Variants in ANXA8 observed in about 807,000 individuals in gnomAD.
ANXA8 encodes VAC-beta.
A neutral mutation model predicts 26.8 loss-of-function variants in ANXA8; 9 were observed. The observed-to-expected ratio is 0.34, with a 90% confidence interval of 0.20 to 0.59. The LOEUF is 0.59. ANXA8 is among the 20% of genes least tolerant of loss of function. ANXA8 has a pLI of 0.84. For synonymous variants in ANXA8, 39 were observed against 94.8 expected (o/e 0.41, Z 3.42); for missense variants, 83 against 238.5 (o/e 0.35, Z 4.29).
chr10:47,952,381 C>T, the ANXA8 span, among the ~76,000 whole-genome samples: 1 of 150,162 alleles, frequency 6.7e-6, no homozygotes, highest in Non-Finnish European at 1.5e-5. Context: ...AAGGAATTTA[C>T]AAAAAGTTAC....
chr10:47,546,204 C>T, the ANXA8 span, among the ~76,000 whole-genome samples: 1 of 138,208 alleles, frequency 7.2e-6, no homozygotes, highest in Non-Finnish European at 1.6e-5. Context: ...TTCTTTCAAT[C>T]TCCTCACAGA....
At chr10:47,900,802 C>T in the ANXA8 span, among the ~76,000 whole-genome samples, 2 of 145,538 alleles carry the variant, frequency 1.4e-5, no homozygotes, top group Admixed American at 6.8e-5. Flanking sequence ...TTTAATCCCA[C>T]ACAGGAAGAA....
the ANXA8 span, chr10:47,760,988 G>A: frequency 8.1e-5 from 122 of 1,499,122 alleles, 3 homozygotes; most frequent in African/African-American, 1.0e-3. Context: ...GTCTCAGAGC[G>A]CTCAGCCAGG....
At chr10:47,755,615 A>T in the ANXA8 span, among the ~76,000 whole-genome samples, 2 of 131,102 alleles carry the variant, frequency 1.5e-5, no homozygotes, top group African/African-American at 5.9e-5. Flanking sequence ...GGTTCAAGAG[A>T]TCCTCCCACC....
chr10:47,600,790 TTTCTATACATA>T, the ANXA8 span, among the ~76,000 whole-genome samples: 1 of 136,014 alleles, frequency 7.4e-6, no homozygotes, highest in South Asian at 2.5e-4. Flanking sequence ...ACTCTTCCAT[TTTCTATACATA>T]GCTTCCCCAA....
chr10:47,896,746 C>T, the ANXA8 span, among the ~76,000 whole-genome samples: 659 of 151,140 alleles, frequency 4.4e-3, no homozygotes, highest in African/African-American at 0.015. Context: ...GCCCTGGAGA[C>T]AGCCTTCACT....
the ANXA8 span, among the ~76,000 whole-genome samples, chr10:47,943,941 C>G: frequency 6.8e-6 from 1 of 147,816 alleles, no homozygotes; most frequent in Non-Finnish European, 1.5e-5. Context: ...TGGAGGCCTC[C>G]CCGTGGAGCA....
the ANXA8 span, among the ~76,000 whole-genome samples, chr10:47,584,053 G>A: frequency 2.1e-5 from 3 of 143,282 alleles, no homozygotes; most frequent in African/African-American, 5.7e-5. Flanking sequence ...GGTGGCCCGC[G>A]CCTGTGGTCC....
At chr10:47,538,370 CA>C in the ANXA8 span, 2 of 90,946 alleles carry the variant, frequency 2.2e-5, no homozygotes, top group African/African-American at 8.9e-5. Flanking sequence ...AAAAAAACAA[CA>C]ACAACTTTTT....
the ANXA8 span, among the ~76,000 whole-genome samples, chr10:47,689,194 T>C: frequency 7.3e-5 from 11 of 151,436 alleles, no homozygotes; most frequent in African/African-American, 2.2e-4. Flanking sequence ...GAGAGTCTTT[T>C]TTTGAGATGG....
the ANXA8 span, among the ~76,000 whole-genome samples, chr10:47,714,226 G>C: frequency 9.0e-6 from 1 of 111,196 alleles, no homozygotes; most frequent in Admixed American, 9.6e-5. Flanking sequence ...AGACAAGAAA[G>C]CTATTTTAGT....
chr10:47,495,289 A>C, the ANXA8 span, among the ~76,000 whole-genome samples: 4 of 100,562 alleles, frequency 4.0e-5, no homozygotes, highest in African/African-American at 1.4e-4. Context: ...TATTATTATT[A>C]TTATTATTAT....
At chr10:47,656,892 A>G in the ANXA8 span, among the ~76,000 whole-genome samples, 1 of 148,794 alleles carries the variant, frequency 6.7e-6, no homozygotes, top group Non-Finnish European at 1.5e-5. Flanking sequence ...TAGTATTTAT[A>G]GAGAGATTAG....
the ANXA8 span, among the ~76,000 whole-genome samples, chr10:47,618,988 G>C: frequency 8.7e-6 from 1 of 114,440 alleles, no homozygotes; most frequent in Non-Finnish European, 1.9e-5. Flanking sequence ...TTCTCAAAAA[G>C]TGTTTTAGTC....
At chr10:47,894,908 C>A in the ANXA8 span, among the ~76,000 whole-genome samples, 1 of 150,330 alleles carries the variant, frequency 6.7e-6, no homozygotes, top group African/African-American at 2.4e-5. Flanking sequence ...AATACACACA[C>A]AGCATACACA....
the ANXA8 span, among the ~76,000 whole-genome samples, chr10:47,755,503 C>T: frequency 1.3e-5 from 2 of 151,238 alleles, no homozygotes; most frequent in Admixed American, 6.6e-5. Context: ...GATCTGCCTA[C>T]CTCGGCCTCC....
chr10:47,636,992 A>G, the ANXA8 span, among the ~76,000 whole-genome samples: 2 of 151,334 alleles, frequency 1.3e-5, no homozygotes, highest in African/African-American at 2.5e-5. Context: ...CTCCAGGATG[A>G]TATTTTCTCT....
chr10:47,529,435 C>G, the ANXA8 span, among the ~76,000 whole-genome samples: 2 of 146,800 alleles, frequency 1.4e-5, no homozygotes, highest in Non-Finnish European at 3.0e-5. Flanking sequence ...TTTCAGGTGC[C>G]CTGAAAAGTC....
the ANXA8 span, among the ~76,000 whole-genome samples, chr10:47,982,847 C>T: frequency 7.5e-5 from 2 of 26,732 alleles, no homozygotes; most frequent in East Asian, 8.2e-4. Flanking sequence ...ATTTGATAAG[C>T]CACTTGTATC....
Sources: gnomAD v4.1 joint callset for allele counts (sites outside exome capture counted in the v4.1 genomes callset) on GRCh38, gnomAD v4.1.1 for gene constraint, MANE v1.5 for transcripts, NCBI Gene and HGNC (gene_info 2026-07-23, HGNC 2026-07-21) for gene names.